SMAP1: variants seen among roughly 807,000 people sequenced by gnomAD.
SMAP1 encodes stromal membrane-associated protein 1.
SMAP1 carries 24 observed loss-of-function variants against 58.5 expected under a neutral mutation model. The observed-to-expected ratio is 0.41, with a 90% CI of 0.30 to 0.58. The LOEUF is 0.58. Among genes scored for constraint, SMAP1 ranks in the 20% least tolerant of loss-of-function variants. The pLI is 0.29. For synonymous variants in SMAP1, 216 were observed against 196.6 expected (o/e 1.10, Z -0.82); for missense variants, 563 against 566.3 (o/e 0.99, Z 0.06).
intron 1 of SMAP1, among the ~76,000 whole-genome samples, chr6:70,669,596 A>G (rs1766180199): frequency 6.6e-6 from 1 of 152,106 alleles, no homozygotes; most frequent in African/African-American, 2.4e-5. Context: ...GTTATTTGGG[A>G]GTTCTGCACT....
At position 70,731,850 on chromosome 6, in the gene SMAP1, A is replaced by G. The variant is rs116396329; in HGVS notation, c.119-528A>G. Reference sequence around the variant, plus strand: ...AACTGTAGAGTTAAAGAGCACTTTCACTAATTACCAGTGAGACTGTGCATA... The same window carrying G: ...AACTGTAGAGTTAAAGAGCACTTTCGCTAATTACCAGTGAGACTGTGCATA... On this transcript the variant is annotated intron_variant, in intron 1 of 10. Transcript: ENST00000370455. 8.3e-3 allele frequency among the ~76,000 whole-genome samples: 1,264 copies of G among 152,196 alleles called. 19 individuals carry two copies. Among genetic ancestry groups the G allele is most frequent in the African/African-American group, 0.029 (1,203 of 41,546 alleles).
At chr6:70,673,669 A>G (rs1466028508) in intron 1 of SMAP1, among the ~76,000 whole-genome samples, 1 of 152,228 alleles carries the variant, frequency 6.6e-6, no homozygotes, top group Non-Finnish European at 1.5e-5. Flanking sequence ...TCTGATTATA[A>G]TTCACCTAAA....
intron 7 of SMAP1, among the ~76,000 whole-genome samples, chr6:70,851,004 G>A (rs1000047296): frequency 6.6e-6 from 1 of 151,960 alleles, no homozygotes; most frequent in Non-Finnish European, 1.5e-5. Flanking sequence ...TCTATATATT[G>A]TAAATTATAA....
chr6:70,786,245 T>G (rs1173595538), intron 4 of SMAP1, among the ~76,000 whole-genome samples: 12 of 148,370 alleles, frequency 8.1e-5, no homozygotes, highest in Admixed American at 4.1e-4. Context: ...TTTGACAAAA[T>G]TCAACAACCC....
At chr6:70,723,619 T>C (rs1768629752) in intron 1 of SMAP1, among the ~76,000 whole-genome samples, 1 of 152,218 alleles carries the variant, frequency 6.6e-6, no homozygotes, top group Non-Finnish European at 1.5e-5. Context: ...TTCACATGTT[T>C]GCTTATTGTA....
At chr6:70,829,047 A>G (rs1370806766) in intron 6 of SMAP1, among the ~76,000 whole-genome samples, 3 of 152,024 alleles carry the variant, frequency 2.0e-5, no homozygotes, top group Non-Finnish European at 4.4e-5. Flanking sequence ...CGTGTTTCCT[A>G]TTTGACTCTT....
At chr6:70,734,353 C>T in intron 2 of SMAP1, 1 of 152,742 alleles carries the variant, frequency 6.5e-6, no homozygotes, top group Non-Finnish European at 1.5e-5. Context: ...GCCATGTTGG[C>T]CAGGCTGGTC....
At chr6:70,805,680 G>A (rs1582225575) in intron 6 of SMAP1, among the ~76,000 whole-genome samples, 1 of 152,136 alleles carries the variant, frequency 6.6e-6, no homozygotes, top group Admixed American at 6.5e-5. Context: ...CTACAGATGG[G>A]GTTTTGGTGT....
intron 3 of SMAP1, among the ~76,000 whole-genome samples, chr6:70,767,572 A>T (rs1767054211): frequency 6.6e-6 from 1 of 151,642 alleles, no homozygotes; most frequent in African/African-American, 2.4e-5. Flanking sequence ...GTGTATAAGA[A>T]TGCTTGTGAT....
chr6:70,732,150 G>A (rs1304537161), intron 1 of SMAP1, among the ~76,000 whole-genome samples: 2 of 152,040 alleles, frequency 1.3e-5, no homozygotes, highest in Non-Finnish European at 2.9e-5. Flanking sequence ...AGAGTGGAGG[G>A]GAAGTTTCTA....
intron 4 of SMAP1, among the ~76,000 whole-genome samples, chr6:70,783,211 G>C (rs1767839505): frequency 6.6e-6 from 1 of 152,218 alleles, no homozygotes; most frequent in African/African-American, 2.4e-5. Flanking sequence ...TGGACCTCTA[G>C]CAAACTCCAA....
At chr6:70,674,170 G>A (rs1478538463) in intron 1 of SMAP1, among the ~76,000 whole-genome samples, 1 of 151,428 alleles carries the variant, frequency 6.6e-6, no homozygotes, top group Non-Finnish European at 1.5e-5. Context: ...CGCTGGGCTG[G>A]AGTGCGATGT....
At chr6:70,740,098 T>A (rs1416554508) in intron 2 of SMAP1, among the ~76,000 whole-genome samples, 1 of 152,196 alleles carries the variant, frequency 6.6e-6, no homozygotes, top group Non-Finnish European at 1.5e-5. Flanking sequence ...GAGCTATTAT[T>A]CTTACTCCTT....
intron 4 of SMAP1, among the ~76,000 whole-genome samples, chr6:70,777,370 A>G (rs1332195247): frequency 6.6e-6 from 1 of 152,044 alleles, no homozygotes; most frequent in Non-Finnish European, 1.5e-5. Flanking sequence ...TCTGATGATT[A>G]TTGATTTGAC....
At chr6:70,717,823 T>C (rs1314780728) in intron 1 of SMAP1, among the ~76,000 whole-genome samples, 1 of 152,220 alleles carries the variant, frequency 6.6e-6, no homozygotes, top group Non-Finnish European at 1.5e-5. Flanking sequence ...TCTTTAAGAA[T>C]TGGTTCTCCT....
chr6:70,667,956 C>T lies in SMAP1; in HGVS notation c.-68C>T. The T allele has an allele frequency of 2.8e-6, 4 of 1,415,868 alleles. No individual in the cohort carries two copies. The highest frequency in any genetic ancestry group is 1.5e-5 in the African/African-American group (1 of 66,902). 87.7% of individuals were successfully genotyped at this position (1,415,868 alleles called of 1,614,324 possible). A position where few individuals can be genotyped will look rare whatever the true frequency, so the allele number is the denominator to read the frequency against. ...GTCCCGGCGGCGCCAGGTGCGTTCA[C>T]TCTGCCCGGCTCCAGCCAGCGTCCG... On this transcript the variant is annotated 5_prime_UTR_variant, in exon 1 of 11. Transcript: ENST00000370455.
chr6:70,800,456 G>A (rs1208327200), intron 6 of SMAP1, among the ~76,000 whole-genome samples: 3 of 151,770 alleles, frequency 2.0e-5, no homozygotes, highest in Non-Finnish European at 4.4e-5. Context: ...TCCTTTTTCA[G>A]TTAAGTGTTT....
chr6:70,789,574 C>T (rs1331786554), intron 4 of SMAP1, among the ~76,000 whole-genome samples: 2 of 148,344 alleles, frequency 1.3e-5, no homozygotes, highest in East Asian at 3.9e-4. Flanking sequence ...GGTATTAAAT[C>T]ATTTATTTTT....
intron 5 of SMAP1, 70 bp from the exon 6 acceptor site, chr6:70,798,587 A>G: frequency 8.4e-7 from 1 of 1,185,186 alleles, no homozygotes; most frequent in Non-Finnish European, 1.2e-6. Context: ...TACTCAAACT[A>G]ATAAGGATGA....
Sources: gnomAD v4.1 joint callset for allele counts (sites outside exome capture counted in the v4.1 genomes callset) on GRCh38, gnomAD v4.1.1 for gene constraint, MANE v1.5 for transcripts, NCBI Gene and HGNC (gene_info 2026-07-23, HGNC 2026-07-21) for gene names.